Variants in VCL observed in about 807,000 individuals in gnomAD.
VCL encodes the protein vinculin, also known as epididymis luminal protein 114.
In VCL, 47 loss-of-function variants were observed where a neutral mutation model predicts 125.7. The ratio of observed to expected loss-of-function variants is 0.37; its 90% CI spans 0.30 to 0.48. The LOEUF (loss-of-function observed/expected upper bound fraction) is 0.48. Ranked by LOEUF, VCL falls within the 20% of genes least tolerant of loss-of-function variation. VCL has a pLI of 0.99. For missense variants in VCL, 1,069 were observed against 1,455.5 expected (o/e 0.73, Z 4.32); for synonymous variants, 458 against 514.6 (o/e 0.89, Z 1.49).
At position 74,057,106 on chromosome 10, in the gene VCL, C is replaced by A. The variant is rs374355142; in HGVS notation, c.240-13564C>A. Among the ~76,000 whole-genome samples, 4 of 151,874 alleles carry A rather than the reference C, an allele frequency of 2.6e-5. No individual in the cohort carries two copies. In the East Asian group the frequency reaches 7.7e-4, roughly 29 times the overall value. ...TACAGGTACATGCCATCATGCATGG[C>A]TAATTTTTTAAAATTTTTCGTAGAG... On this transcript the variant is annotated intron_variant, in intron 2 of 21. Coordinates refer to ENST00000211998, the MANE Select transcript of VCL (RefSeq NM_014000.3).
chr10:74,112,588 C>T (rs776114204), intron 19 of VCL, among the ~76,000 whole-genome samples: 2 of 152,078 alleles, frequency 1.3e-5, no homozygotes, highest in African/African-American at 2.4e-5. Flanking sequence ...GGACTGCTTG[C>T]TGCCCTGCAC....
intron 2 of VCL, among the ~76,000 whole-genome samples, chr10:74,065,191 C>T (rs909081838): frequency 1.3e-5 from 2 of 148,640 alleles, no homozygotes; most frequent in Non-Finnish European, 1.5e-5. Context: ...GGCTGAAGTG[C>T]AGTGGCGTGA....
intron 2 of VCL, among the ~76,000 whole-genome samples, chr10:74,047,363 T>C (rs1025594300): frequency 2.0e-5 from 3 of 152,070 alleles, no homozygotes; most frequent in Non-Finnish European, 2.9e-5. Context: ...TTCTATAGAA[T>C]GCAAAATGAA....
chr10:74,048,402 A>T (rs928060502), intron 2 of VCL, among the ~76,000 whole-genome samples: 21 of 148,688 alleles, frequency 1.4e-4, no homozygotes, highest in Non-Finnish European at 2.8e-4. Context: ...CAGGTGGTGG[A>T]GGTTGCAGTG....
intron 7 of VCL, 138 bp from the exon 8 acceptor site, chr10:74,083,228 C>A: frequency 1.8e-6 from 2 of 1,128,882 alleles, no homozygotes; most frequent in South Asian, 2.7e-5. Context: ...TGGCTGTTAG[C>A]TATCAGATAT....
chr10:74,008,912 A>G (rs1274126831), intron 1 of VCL, among the ~76,000 whole-genome samples: 1 of 152,182 alleles, frequency 6.6e-6, no homozygotes. Context: ...TTCCATACAG[A>G]TAGGACTAGA....
At chr10:74,086,515 G>C (rs941045077) in intron 8 of VCL, among the ~76,000 whole-genome samples, 3 of 152,242 alleles carry the variant, frequency 2.0e-5, no homozygotes, top group African/African-American at 7.2e-5. Flanking sequence ...AGAAATGCCA[G>C]TGCAGTTTGA....
intron 2 of VCL, among the ~76,000 whole-genome samples, chr10:74,052,715 T>A (rs1841325734): frequency 6.6e-6 from 1 of 151,956 alleles, no homozygotes. Flanking sequence ...AGATATTTTT[T>A]ATCTAATTTG....
intron 21 of VCL, among the ~76,000 whole-genome samples, chr10:74,116,279 C>T (rs1201962086): frequency 1.3e-5 from 2 of 152,168 alleles, no homozygotes; most frequent in Admixed American, 6.5e-5. Context: ...ACAACTCTCA[C>T]CCTAATCCTC....
At chr10:74,093,017 C>T (rs1005788709) in intron 10 of VCL, among the ~76,000 whole-genome samples, 3 of 152,172 alleles carry the variant, frequency 2.0e-5, no homozygotes, top group African/African-American at 7.2e-5. Flanking sequence ...TGAATGAAGG[C>T]TGGGCACGGT....
intron 11 of VCL, among the ~76,000 whole-genome samples, chr10:74,095,395 A>T (rs1310694376): frequency 6.6e-6 from 1 of 152,172 alleles, no homozygotes; most frequent in Non-Finnish European, 1.5e-5. Context: ...GTTTGAGACC[A>T]GCCTGGGCAA....
Position 74,078,231 on chromosome 10 carries a change from G to A in VCL, c.783+3328G>A, listed in dbSNP as rs138468111. Among the ~76,000 whole-genome samples the A allele has an allele frequency of 3.0e-3, 463 of 152,260 alleles. 5 individuals are homozygous for A. The highest frequency in any genetic ancestry group is 5.2e-3 in the Non-Finnish European group (352 of 68,016). On this transcript the variant is annotated intron_variant, in intron 6 of 21. Coordinates refer to ENST00000211998, the MANE Select transcript of VCL (RefSeq NM_014000.3). The stretch of plus-strand genomic sequence containing the variant: ...CATTAAATTCTATTATTCAGAATTA[G>A]TTCCTGTGGTGGGTCTCTCCCCACT...
At chr10:74,050,191 C>T (rs1048329907) in intron 2 of VCL, among the ~76,000 whole-genome samples, 8 of 152,142 alleles carry the variant, frequency 5.3e-5, no homozygotes, top group African/African-American at 1.9e-4. Context: ...TCACTTTCTG[C>T]CTTAGTGCTG....
intron 6 of VCL, chr10:74,077,652 T>A (rs1438610543): frequency 2.2e-6 from 1 of 445,938 alleles, no homozygotes; most frequent in Non-Finnish European, 4.5e-6. Context: ...TACCAATAAA[T>A]AATTAACTTT....
At position 74,118,007 on chromosome 10, in the gene VCL, A is replaced by G. The variant is rs146709494; in HGVS notation, c.3259-16A>G. 1 of 1,613,802 alleles carries G rather than the reference A, an allele frequency of 6.2e-7. No homozygotes were observed. Among genetic ancestry groups the G allele is most frequent in the East Asian group, 2.2e-5 (1 of 44,888 alleles). On this transcript the variant is annotated splice_polypyrimidine_tract_variant and intron_variant, in intron 21 of 21. Coordinates refer to ENST00000211998, the MANE Select transcript of VCL (RefSeq NM_014000.3). ...TCAGGGACCCTGGGTAACGGAAAGT[A>G]CCTTTTTCCTTGCAGGCCACAGAGA... is the stretch of plus-strand genomic sequence containing the variant.
intron 16 of VCL, among the ~76,000 whole-genome samples, chr10:74,106,031 C>T (rs896599356): frequency 3.3e-5 from 5 of 151,266 alleles, no homozygotes; most frequent in African/African-American, 1.2e-4. Flanking sequence ...AGTGATTCTC[C>T]TGCCCCAGCC....
chr10:74,114,506 A>G, intron 20 of VCL, 119 bp downstream of exon 20: 2 of 1,244,486 alleles, frequency 1.6e-6, no homozygotes, highest in Non-Finnish European at 2.3e-6. Context: ...TAGGTAAGGG[A>G]GAAAGAGGCA....
chr10:74,075,748 G>A (rs555703689), intron 6 of VCL: 1 of 152,794 alleles, frequency 6.5e-6, no homozygotes, highest in East Asian at 1.9e-4. Context: ...AAGGGATTTT[G>A]TTGTATGACT....
At chr10:74,088,510 A>G (rs1265210269) in intron 8 of VCL, among the ~76,000 whole-genome samples, 1 of 152,246 alleles carries the variant, frequency 6.6e-6, no homozygotes, top group African/African-American at 2.4e-5. Context: ...ATGATAATTC[A>G]GTAATAATGA....
Sources: gnomAD v4.1 joint callset for allele counts (sites outside exome capture counted in the v4.1 genomes callset) on GRCh38, gnomAD v4.1.1 for gene constraint, MANE v1.5 for transcripts, NCBI Gene and HGNC (gene_info 2026-07-23, HGNC 2026-07-21) for gene names.